Variants in ALKBH1 observed in about 807,000 individuals in gnomAD.
ALKBH1 encodes the protein nucleic acid dioxygenase ALKBH1.
In ALKBH1, 31 loss-of-function variants were observed where a neutral mutation model predicts 36.6. The ratio of observed to expected loss-of-function variants is 0.85; its 90% CI spans 0.64 to 1.14. The LOEUF (loss-of-function observed/expected upper bound fraction) is 1.14, where lower values mean the gene tolerates loss of function less well. Among genes scored for constraint, ALKBH1 ranks in the 50% most tolerant of loss-of-function variants. ALKBH1 has a pLI of 0.00. For synonymous variants in ALKBH1, 183 were observed against 186.6 expected, an observed-to-expected ratio of 0.98 and a Z score of 0.16; for missense variants, 490 against 497.3, an observed-to-expected ratio of 0.99 and a Z score of 0.14.
intron 1 of ALKBH1, among the ~76,000 whole-genome samples, chr14:77,706,658 A>G (rs574518960): frequency 4.8e-4 from 73 of 152,344 alleles, no homozygotes; most frequent in Non-Finnish European, 9.6e-4. Flanking sequence ...CTGATGGCTG[A>G]CATTCTAAAA....
chr14:77,701,152 A>C (rs1190469903), intron 2 of ALKBH1, among the ~76,000 whole-genome samples: 1 of 152,142 alleles, frequency 6.6e-6, no homozygotes, highest in Non-Finnish European at 1.5e-5. Context: ...CCAGATTAAA[A>C]AAAAAATCTG....
chr14:77,700,607 C>G (rs1438024362), intron 2 of ALKBH1, among the ~76,000 whole-genome samples: 1 of 152,018 alleles, frequency 6.6e-6, no homozygotes, highest in Non-Finnish European at 1.5e-5. Flanking sequence ...ATAGGAAACC[C>G]CCCAACAACC....
chr14:77,692,643 C>A (rs1218646800), intron 3 of ALKBH1, among the ~76,000 whole-genome samples: 1 of 152,176 alleles, frequency 6.6e-6, no homozygotes, highest in South Asian at 2.1e-4. Flanking sequence ...CCTTTACCAT[C>A]TGGCCCAAAT....
At chr14:77,706,838 G>T (rs1345876484) in intron 1 of ALKBH1, among the ~76,000 whole-genome samples, 2 of 152,134 alleles carry the variant, frequency 1.3e-5, no homozygotes, top group Non-Finnish European at 2.9e-5. Flanking sequence ...CTGAGCTCAA[G>T]TATGCAATCA....
Position 77,698,232 on chromosome 14 carries a change from G to A in ALKBH1, c.293-3332C>T, listed in dbSNP as rs547509041. Among the ~76,000 whole-genome samples the A allele has an allele frequency of 4.6e-5, 7 of 152,308 alleles. No homozygotes were observed. In the South Asian group the frequency reaches 1.4e-3, roughly 32 times the overall value. ...TTGTGAAGAAAGAGCCAACAGGGAA[G>A]AGCCACTTGGAAACAGAAGAGAGGA... On this transcript the variant is annotated intron_variant, in intron 2 of 5. Coordinates refer to ENST00000216489, the MANE Select transcript of ALKBH1 (RefSeq NM_006020.3).
At chr14:77,703,838 T>C (rs977651722) in intron 2 of ALKBH1, among the ~76,000 whole-genome samples, 1 of 152,118 alleles carries the variant, frequency 6.6e-6, no homozygotes, top group Non-Finnish European at 1.5e-5. Flanking sequence ...CCTCAGGTGA[T>C]CCACCCACCT....
At position 77,672,687 on chromosome 14, in the gene ALKBH1, G is replaced by C. The variant is rs970121556; in HGVS notation, c.*1125C>G. 6.6e-6 allele frequency: 1 copy of C among 152,128 alleles called. No individual in the cohort carries two copies. The highest frequency in any genetic ancestry group is 1.5e-5 in the Non-Finnish European group (1 of 68,026). The allele number at this position is 152,128 out of a possible 1,614,324, so 9.4% of individuals were successfully genotyped here. A position where few individuals can be genotyped will look rare whatever the true frequency, so the allele number is the denominator to read the frequency against. On this transcript the variant is annotated 3_prime_UTR_variant, in exon 6 of 6. Transcript: ENST00000216489. ...TCTTTCAAATACCAATATCCCTTTA[G>C]GAAGATGGTAGTCTACAGTATCTTC...
chr14:77,682,941 C>G (rs1421644572), intron 3 of ALKBH1, among the ~76,000 whole-genome samples: 1 of 152,142 alleles, frequency 6.6e-6, no homozygotes, highest in African/African-American at 2.4e-5. Context: ...AGGTGGTCCA[C>G]CCGCCTCGGC....
Position 77,673,722 on chromosome 14 carries a change from G to A in ALKBH1, c.*90C>T, listed in dbSNP as rs1453019344. The A allele has an allele frequency of 6.6e-6, 9 of 1,354,962 alleles. No individual in the cohort carries two copies. Among genetic ancestry groups the A allele is most frequent in the Non-Finnish European group, 9.1e-6 (9 of 985,796 alleles). 83.9% of individuals were successfully genotyped at this position (1,354,962 alleles called of 1,614,324 possible). On this transcript the variant is annotated 3_prime_UTR_variant, in exon 6 of 6. Transcript: ENST00000216489. ...TCTTCCCTGTCTCTGTTTTTGGCTT[G>A]TCTGGGTGCTGAAGTCCACGGCAAT...
chr14:77,703,435 G>A (rs1487390052), intron 2 of ALKBH1, among the ~76,000 whole-genome samples: 1 of 151,796 alleles, frequency 6.6e-6, no homozygotes, highest in Non-Finnish European at 1.5e-5. Context: ...GGGACTACAG[G>A]GGCCCGCCAC....
At chr14:77,705,411 GAAAA>G (rs56123313) in intron 1 of ALKBH1, among the ~76,000 whole-genome samples, 5,101 of 113,314 alleles carry the variant, frequency 0.045, 70 homozygotes, top group Middle Eastern at 0.087. Context: ...CTCCGTCTAA[GAAAA>G]AAAAAAAAAA....
intron 5 of ALKBH1, 77 bp from the exon 6 acceptor site, chr14:77,674,318 T>G: frequency 7.3e-7 from 1 of 1,372,850 alleles, no homozygotes; most frequent in Non-Finnish European, 9.7e-7. Flanking sequence ...GGAAAGTTAC[T>G]GCCAACTGTG....
Position 77,675,785 on chromosome 14 carries a change from G to C in ALKBH1, c.611C>G (p.Ala204Gly), listed in dbSNP as rs755728200. 15 of 1,613,972 alleles carry C rather than the reference G, an allele frequency of 9.3e-6. No individual in the cohort carries two copies. The highest frequency in any genetic ancestry group is 1.0e-5 in the Non-Finnish European group (12 of 1,180,000). The change falls in exon 5 of 6, where the codon GCC becomes GGC. Residue 204 changes from alanine to glycine, a missense_variant. Physicochemically the swap from Ala to Gly is moderately conservative, Grantham distance 60. Transcript: ENST00000216489. ...SDLGFLSEQV[A>G]AACGFEDFRA... ...GAAATCCTCAAATCCACAGGCAGCG[G>C]CTACTTGCTCTGAGAGGAAACCCAG... is the stretch of plus-strand genomic sequence containing the variant.
intron 5 of ALKBH1, among the ~76,000 whole-genome samples, chr14:77,675,024 A>G (rs2080197385): frequency 6.6e-6 from 1 of 152,194 alleles, no homozygotes; most frequent in Non-Finnish European, 1.5e-5. Context: ...TAAACTACTC[A>G]GGCTTTTGTG....
chr14:77,706,763 G>C (rs1243559967), intron 1 of ALKBH1, among the ~76,000 whole-genome samples: 2 of 152,162 alleles, frequency 1.3e-5, no homozygotes, highest in Admixed American at 6.5e-5. Context: ...TTGGGGTGTG[G>C]ACTTTCTGTA....
rs58919068 is a variant in ALKBH1 at position 77,686,013 on chromosome 14, T to G, written c.456-6043A>C. Among the ~76,000 whole-genome samples, 1,105 of 152,284 alleles carry G rather than the reference T, an allele frequency of 7.3e-3. 9 individuals are homozygous for G. Among genetic ancestry groups the G allele is most frequent in the African/African-American group, 0.025 (1,059 of 41,556 alleles). On this transcript the variant is annotated intron_variant, in intron 3 of 5. Coordinates refer to ENST00000216489, the MANE Select transcript of ALKBH1 (RefSeq NM_006020.3). ...CATTTTATATTCTCTTCTGAAAACC[T>G]GATTTCAATTCTTGCCTTTGTATTT... is the stretch of plus-strand genomic sequence containing the variant.
At chr14:77,707,520 G>A (rs2080401631) in intron 1 of ALKBH1, among the ~76,000 whole-genome samples, 1 of 152,016 alleles carries the variant, frequency 6.6e-6, no homozygotes, top group Non-Finnish European at 1.5e-5. Context: ...ACGTTCTATG[G>A]GGTTTTACAA....
chr14:77,685,873 T>A (rs2080265725), intron 3 of ALKBH1, among the ~76,000 whole-genome samples: 1 of 152,178 alleles, frequency 6.6e-6, no homozygotes, highest in South Asian at 2.1e-4. Flanking sequence ...AAGCATTAAG[T>A]TCAGTCCTCA....
intron 3 of ALKBH1, among the ~76,000 whole-genome samples, chr14:77,680,519 G>A (rs1266613566): frequency 6.6e-6 from 1 of 152,014 alleles, no homozygotes; most frequent in Non-Finnish European, 1.5e-5. Flanking sequence ...GTATAACATA[G>A]CTTAGATAAC....
Sources: gnomAD v4.1 joint callset for allele counts (sites outside exome capture counted in the v4.1 genomes callset) on GRCh38, gnomAD v4.1.1 for gene constraint, MANE v1.5 for transcripts, NCBI Gene and HGNC (gene_info 2026-07-23, HGNC 2026-07-21) for gene names.